XPR1: variants seen among roughly 807,000 people sequenced by gnomAD.
XPR1 encodes the protein solute carrier family 53 member 1.
Under a neutral mutation model 87.5 loss-of-function variants are expected in XPR1, and 28 were observed. The observed-to-expected ratio is 0.32, with a 90% CI of 0.24 to 0.44. The LOEUF (loss-of-function observed/expected upper bound fraction) is 0.44, where lower values mean the gene tolerates loss of function less well. Among genes scored for constraint, XPR1 ranks in the 20% least tolerant of loss-of-function variants. XPR1 has a pLI of 1.00. For synonymous variants in XPR1, 300 were observed against 306.1 expected (o/e 0.98, Z 0.21); for missense variants, 559 against 862.3 (o/e 0.65, Z 4.41).
intron 2 of XPR1, among the ~76,000 whole-genome samples, chr1:180,768,332 T>G (rs1212207317): frequency 6.6e-6 from 1 of 152,246 alleles, no homozygotes; most frequent in Non-Finnish European, 1.5e-5. Flanking sequence ...TATAGGTTTC[T>G]GAACTTTATG....
chr1:180,791,358 G>T (rs1056011634), intron 3 of XPR1, among the ~76,000 whole-genome samples: 1 of 152,014 alleles, frequency 6.6e-6, no homozygotes, highest in Admixed American at 6.6e-5. Context: ...TGCAACCTCT[G>T]CCTCCCAGGT....
At position 180,884,031 on chromosome 1, in the gene XPR1, T is replaced by C. The variant is rs946518309; in HGVS notation, c.2056T>C (p.Leu686=). Residue 686 remains leucine, a synonymous_variant, in exon 15 of 15, where the codon TTG becomes CTG. Transcript: ENST00000367590. The stretch of plus-strand genomic sequence containing the variant: ...ATCCAAGGCTCGTGACACTAAGGTA[T>C]TGATAGAAGACACAGATGATGAAGC... ...SQSKARDTKV[L]IEDTDDEANT The C allele has an allele frequency of 1.9e-6, 3 of 1,614,136 alleles. No homozygotes were observed. Among genetic ancestry groups the C allele is most frequent in the Middle Eastern group, 3.3e-4 (2 of 6,062 alleles).
chr1:180,730,774 C>A (rs922106057), intron 2 of XPR1, among the ~76,000 whole-genome samples: 5 of 152,082 alleles, frequency 3.3e-5, no homozygotes, highest in African/African-American at 1.2e-4. Context: ...GTGATCCTCC[C>A]CCCTCAGCCT....
intron 1 of XPR1, among the ~76,000 whole-genome samples, chr1:180,679,774 A>G (rs1478610528): frequency 6.6e-6 from 1 of 152,178 alleles, no homozygotes; most frequent in East Asian, 1.9e-4. Context: ...ATAGTCCTAA[A>G]CCCTTAGGGA....
intron 11 of XPR1, among the ~76,000 whole-genome samples, chr1:180,849,595 C>T (rs1410865069): frequency 6.6e-6 from 1 of 152,110 alleles, no homozygotes; most frequent in Non-Finnish European, 1.5e-5. Flanking sequence ...TGGTGTTGAG[C>T]AAATATAGAG....
chr1:180,649,098 C>T (rs573738361), intron 1 of XPR1, among the ~76,000 whole-genome samples: 3 of 152,078 alleles, frequency 2.0e-5, no homozygotes, highest in South Asian at 4.2e-4. Context: ...TTTTCTAGTG[C>T]AAGCTAATAG....
intron 2 of XPR1, among the ~76,000 whole-genome samples, chr1:180,756,534 G>A (rs796594572): frequency 1.3e-5 from 2 of 152,044 alleles, no homozygotes; most frequent in Admixed American, 6.5e-5. Context: ...CAAGTCCTTC[G>A]TCAGTTGTAT....
At chr1:180,688,701 C>T (rs953757273) in intron 2 of XPR1, among the ~76,000 whole-genome samples, 70 of 152,168 alleles carry the variant, frequency 4.6e-4, no homozygotes, top group African/African-American at 1.6e-3. Flanking sequence ...ATATAGTACC[C>T]GTTTGACATT....
At chr1:180,764,652 T>C (rs1648200204) in intron 2 of XPR1, among the ~76,000 whole-genome samples, 1 of 151,958 alleles carries the variant, frequency 6.6e-6, no homozygotes, top group Non-Finnish European at 1.5e-5. Flanking sequence ...GTATTTTTTG[T>C]AGAGGTGGGG....
chr1:180,692,693 CAAATAGCATTGCTATTTGATTTGAAG>C (rs1294164491), intron 2 of XPR1, among the ~76,000 whole-genome samples: 2 of 152,082 alleles, frequency 1.3e-5, no homozygotes, highest in African/African-American at 4.8e-5. Context: ...TTCTGAAGAA[CAAATAGCATTGCTATTTGATTTGAAG>C]AAATATCTAC....
At chr1:180,843,204 C>G (rs1215375731) in intron 11 of XPR1, among the ~76,000 whole-genome samples, 1 of 151,496 alleles carries the variant, frequency 6.6e-6, no homozygotes, top group Non-Finnish European at 1.5e-5. Context: ...GCCAAAATGT[C>G]CACATTTTAG....
intron 1 of XPR1, among the ~76,000 whole-genome samples, chr1:180,673,140 C>T (rs967253434): frequency 3.9e-5 from 6 of 152,072 alleles, no homozygotes; most frequent in Non-Finnish European, 7.4e-5. Context: ...AGCTTCTGAT[C>T]TCCTTTAAAT....
chr1:180,717,105 G>A (rs962432103), intron 2 of XPR1, among the ~76,000 whole-genome samples: 2 of 152,136 alleles, frequency 1.3e-5, no homozygotes, highest in Non-Finnish European at 2.9e-5. Flanking sequence ...CGATTCTTCT[G>A]CCTCAGCCTC....
intron 6 of XPR1, among the ~76,000 whole-genome samples, chr1:180,809,127 A>G (rs894591955): frequency 1.1e-4 from 17 of 152,188 alleles, no homozygotes; most frequent in African/African-American, 3.9e-4. Context: ...TAAACCTCAA[A>G]TTAATTATGT....
Position 180,823,694 on chromosome 1 carries a change from A to G in XPR1, c.764-1059A>G, listed in dbSNP as rs574914432. Among the ~76,000 whole-genome samples, 256 of 152,318 alleles carry G rather than the reference A, an allele frequency of 1.7e-3. 1 individual carries two copies. Among genetic ancestry groups the G allele is most frequent in the African/African-American group, 6.0e-3 (250 of 41,568 alleles). On this transcript the variant is annotated intron_variant, in intron 7 of 14. Coordinates refer to ENST00000367590, the MANE Select transcript of XPR1 (RefSeq NM_004736.4). ...GAGCCATAGAATAATGATATTGAACATTTGTGTGGACATAATGGGCAATAG... is the reference window on the plus strand; with the variant it reads ...GAGCCATAGAATAATGATATTGAACGTTTGTGTGGACATAATGGGCAATAG...
chr1:180,737,816 C>T (rs950602404), intron 2 of XPR1, among the ~76,000 whole-genome samples: 6 of 152,018 alleles, frequency 3.9e-5, no homozygotes, highest in African/African-American at 1.2e-4. Flanking sequence ...AGTAGCATTC[C>T]GTTGCATAAT....
intron 3 of XPR1, among the ~76,000 whole-genome samples, chr1:180,802,698 G>T (rs1035247260): frequency 1.3e-5 from 2 of 152,082 alleles, no homozygotes; most frequent in African/African-American, 2.4e-5. Flanking sequence ...CTTCCACTCA[G>T]CCCATGGCAA....
intron 1 of XPR1, among the ~76,000 whole-genome samples, chr1:180,653,134 G>A (rs1655347427): frequency 1.3e-5 from 2 of 152,152 alleles, no homozygotes; most frequent in Admixed American, 6.5e-5. Context: ...ACAACACAGT[G>A]TCTTTTATGA....
At chr1:180,752,296 T>A (rs1647564025) in intron 2 of XPR1, among the ~76,000 whole-genome samples, 1 of 152,174 alleles carries the variant, frequency 6.6e-6, no homozygotes. Flanking sequence ...TTATTTATTC[T>A]TTTCTTTTTT....
Sources: gnomAD v4.1 joint callset for allele counts (sites outside exome capture counted in the v4.1 genomes callset) on GRCh38, gnomAD v4.1.1 for gene constraint, MANE v1.5 for transcripts, NCBI Gene and HGNC (gene_info 2026-07-23, HGNC 2026-07-21) for gene names.